The following TBCD variants were observed in gnomAD, a reference collection of about 807,000 sequenced individuals.
TBCD encodes the protein tubulin folding cofactor D.
Under a neutral mutation model 169.3 loss-of-function variants are expected in TBCD, and 105 were observed. That is an observed-to-expected ratio of 0.62 (90% CI 0.53 to 0.73). The LOEUF (loss-of-function observed/expected upper bound fraction) is 0.73. Among genes scored for constraint, TBCD ranks in the 30% least tolerant of loss-of-function variants. The pLI, the probability that TBCD is intolerant of heterozygous loss-of-function variation, is 0.00. For synonymous variants in TBCD, 700 were observed against 643.9 expected, an observed-to-expected ratio of 1.09 and a Z score of -1.32; for missense variants, 1,444 against 1,600.1, an observed-to-expected ratio of 0.90 and a Z score of 1.66.
chr17:82,919,802 TC>T (rs1203674983), intron 23 of TBCD, among the ~76,000 whole-genome samples: 5 of 152,104 alleles, frequency 3.3e-5, no homozygotes, highest in African/African-American at 7.2e-5. Context: ...GTGTGTGTGG[TC>T]CCTGTCCTGT....
chr17:82,880,307 G>C lies in TBCD; in HGVS notation c.1476-3838G>C, dbSNP rs1230463128. 6.6e-6 allele frequency among the ~76,000 whole-genome samples: 1 copy of C among 152,290 alleles called. No individual in the cohort carries two copies. Among genetic ancestry groups the C allele is most frequent in the Non-Finnish European group, 1.5e-5 (1 of 68,034 alleles). On this transcript the variant is annotated intron_variant, in intron 14 of 38. Transcript: ENST00000355528. The surrounding 1 kb of genome is among the most constrained non-coding windows in gnomAD (Gnocchi z 5.0). ...ATGGAGCACAGGTGTAGCCAGGGCC[G>C]CTGGTGTGTACCACTGTGTTCGGCA... is the stretch of plus-strand genomic sequence containing the variant.
chr17:82,925,619 A>G (rs921696072), intron 27 of TBCD, among the ~76,000 whole-genome samples: 7 of 152,022 alleles, frequency 4.6e-5, no homozygotes, highest in African/African-American at 1.2e-4. Context: ...TTCCCTCCCC[A>G]TGGGATCCAG....
intron 21 of TBCD, among the ~76,000 whole-genome samples, chr17:82,908,996 C>T (rs954060365): frequency 4.6e-5 from 7 of 152,204 alleles, no homozygotes; most frequent in Non-Finnish European, 8.8e-5. Context: ...GGTTCTACGT[C>T]GGTCTCTGGG....
intron 6 of TBCD, among the ~76,000 whole-genome samples, chr17:82,777,266 A>T (rs533089051): frequency 6.6e-6 from 1 of 152,288 alleles, no homozygotes; most frequent in East Asian, 1.9e-4. Context: ...CCCAGTAGGT[A>T]ACCAGTTGCT....
intron 17 of TBCD, 171 bp from the exon 18 acceptor site, chr17:82,900,480 C>T: frequency 1.6e-6 from 1 of 611,340 alleles, no homozygotes; most frequent in South Asian, 2.0e-5. Context: ...CGTGTGTGCA[C>T]AGATGCTCTT....
At chr17:82,816,648 CT>C (rs1383173220) in intron 13 of TBCD, among the ~76,000 whole-genome samples, 1 of 152,058 alleles carries the variant, frequency 6.6e-6, no homozygotes, top group Non-Finnish European at 1.5e-5. Context: ...ATCCTCTCAC[CT>C]CAGCCTCCTG....
At chr17:82,910,033 C>T (rs927309253) in intron 22 of TBCD, among the ~76,000 whole-genome samples, 3 of 152,236 alleles carry the variant, frequency 2.0e-5, no homozygotes, top group African/African-American at 4.8e-5. Context: ...TGTGCATGTA[C>T]GGCGCCGTGT....
At chr17:82,758,661 C>CTT (rs745351441) in intron 2 of TBCD, among the ~76,000 whole-genome samples, 1,239 of 94,640 alleles carry the variant, frequency 0.013, 57 homozygotes, top group African/African-American at 0.05. Context: ...TTTTTTTTTT[C>CTT]TTTTTTTTTT....
chr17:82,849,369 C>G (rs1351112937), intron 13 of TBCD, among the ~76,000 whole-genome samples: 1 of 152,232 alleles, frequency 6.6e-6, no homozygotes, highest in Non-Finnish European at 1.5e-5. Flanking sequence ...CACTGTTTCT[C>G]CTCAGCTAAG....
chr17:82,805,013 G>A (rs1166677458), intron 9 of TBCD, among the ~76,000 whole-genome samples: 1 of 152,240 alleles, frequency 6.6e-6, no homozygotes, highest in African/African-American at 2.4e-5. Context: ...CGCAGCAGCT[G>A]CCCTGAACTC....
intron 28 of TBCD, 64 bp downstream of exon 28, chr17:82,926,555 G>A: frequency 7.1e-7 from 1 of 1,414,680 alleles, no homozygotes; most frequent in East Asian, 2.3e-5. Context: ...TGAACGCTAA[G>A]GGGGATGTTT....
intron 7 of TBCD, among the ~76,000 whole-genome samples, chr17:82,787,658 C>A (rs1185615928): frequency 6.6e-6 from 1 of 152,206 alleles, no homozygotes; most frequent in Non-Finnish European, 1.5e-5. Context: ...TCCTTTGATG[C>A]ACTTGGCTTC....
At chr17:82,759,729 G>A (rs2143865603) in intron 2 of TBCD, among the ~76,000 whole-genome samples, 1 of 152,228 alleles carries the variant, frequency 6.6e-6, no homozygotes, top group South Asian at 2.1e-4. Flanking sequence ...AGTTATGTAA[G>A]CCTCATTTAT....
chr17:82,900,688 A>G lies in TBCD; in HGVS notation c.1687A>G (p.Met563Val), dbSNP rs2059829720. The change falls in exon 18 of 39, where the codon ATG becomes GTG. Residue 563 changes from methionine (M) to valine (V), a missense_variant. By Grantham distance (21) the Met-to-Val change is conservative. Transcript: ENST00000355528. ...IAGFPEYTQP[M>V]IDHLVTMKIS... ...CGGCTTTCCTGAGTACACGCAGCCAATGATAGACCACCTGGTTACCATGAA... is the reference window on the plus strand; with the variant it reads ...CGGCTTTCCTGAGTACACGCAGCCAGTGATAGACCACCTGGTTACCATGAA... 1 of 1,614,000 alleles carries G rather than the reference A, an allele frequency of 6.2e-7. No homozygotes were observed. Among genetic ancestry groups the G allele is most frequent in the African/African-American group, 1.3e-5 (1 of 75,050 alleles).
chr17:82,756,099 G>A, intron 1 of TBCD, 66 bp from the exon 2 acceptor site: 1 of 1,441,920 alleles, frequency 6.9e-7, no homozygotes, highest in Non-Finnish European at 9.6e-7. Flanking sequence ...GGAAAATGGG[G>A]TTTCTGAGGC....
intron 13 of TBCD, among the ~76,000 whole-genome samples, chr17:82,853,886 G>C (rs1332731365): frequency 6.6e-6 from 1 of 151,848 alleles, no homozygotes; most frequent in Non-Finnish European, 1.5e-5. Flanking sequence ...TATGAATTTT[G>C]CTTTTTCAGA....
chr17:82,924,115 G>A (rs1251029785), intron 26 of TBCD, among the ~76,000 whole-genome samples: 4 of 152,178 alleles, frequency 2.6e-5, no homozygotes, highest in South Asian at 4.2e-4. Flanking sequence ...CACCATACCC[G>A]GCTAATTTTT....
In TBCD at chr17:82,889,517, A is replaced by C; in HGVS notation, c.1534-151A>C. 1 of 845,538 alleles carries C rather than the reference A, an allele frequency of 1.2e-6. No individual in the cohort carries two copies. Among genetic ancestry groups the C allele is most frequent in the East Asian group, 2.7e-5 (1 of 37,634 alleles). The allele number at this position is 845,538 out of a possible 1,614,324, so 52.4% of individuals were successfully genotyped here. A position where few individuals can be genotyped will look rare whatever the true frequency, so the allele number is the denominator to read the frequency against. ...CCAGGACGTAAAAACAGAGTGACGCACCTTGAGGCTCTGTTCAGCCAACAA... is the reference window on the plus strand; with the variant it reads ...CCAGGACGTAAAAACAGAGTGACGCCCCTTGAGGCTCTGTTCAGCCAACAA... On this transcript the variant is annotated intron_variant, in intron 15 of 38. Coordinates refer to ENST00000355528, the MANE Select transcript of TBCD (RefSeq NM_005993.5). The surrounding 1 kb of genome is among the most constrained non-coding windows in gnomAD (Gnocchi z 5.3).
intron 13 of TBCD, among the ~76,000 whole-genome samples, chr17:82,855,993 C>CCTTTTTT (rs373747821): frequency 1.4e-4 from 9 of 66,276 alleles, no homozygotes; most frequent in African/African-American, 5.6e-4. Context: ...TCCCCCCCCA[C>CCTTTTTT]TTTTTTTTTT....
Sources: allele counts gnomAD v4.1 joint callset (sites outside exome capture counted in the v4.1 genomes callset), GRCh38; gene constraint gnomAD v4.1.1; non-coding constraint Gnocchi (gnomAD v3.1); transcripts MANE v1.5; gene names NCBI Gene and HGNC (gene_info 2026-07-23, HGNC 2026-07-21).